GRB10: variants seen among roughly 807,000 people sequenced by gnomAD.
GRB10 encodes the protein growth factor receptor-bound protein 10.
In GRB10, 20 loss-of-function variants were observed where a neutral mutation model predicts 80.9. The observed-to-expected ratio is 0.25, with a 90% CI of 0.17 to 0.36. The LOEUF (loss-of-function observed/expected upper bound fraction) is 0.36. GRB10 is among the 10% of genes least tolerant of loss of function. GRB10 has a pLI of 1.00. For missense variants in GRB10, 548 were observed against 747.7 expected, an observed-to-expected ratio of 0.73 and a Z score of 3.12; for synonymous variants, 291 against 291.5, an observed-to-expected ratio of 1.00 and a Z score of 0.02.
chr7:50,635,808 C>T (rs1727014925), intron 7 of GRB10, among the ~76,000 whole-genome samples: 1 of 151,240 alleles, frequency 6.6e-6, no homozygotes, highest in Non-Finnish European at 1.5e-5. Context: ...CTGGAAACAC[C>T]CAACTTCCTG....
intron 2 of GRB10, among the ~76,000 whole-genome samples, chr7:50,769,802 TAA>T (rs112446356): frequency 6.9e-6 from 1 of 144,416 alleles, no homozygotes; most frequent in Non-Finnish European, 1.5e-5. Context: ...ACATGTCAGG[TAA>T]AAAAAAAAAG....
intron 12 of GRB10, among the ~76,000 whole-genome samples, chr7:50,614,118 G>A (rs1183723579): frequency 6.6e-6 from 1 of 152,182 alleles, no homozygotes; most frequent in East Asian, 1.9e-4. Flanking sequence ...GAAAAGGAGT[G>A]GGCTCTGCCT....
At chr7:50,672,315 G>A (rs1428975593) in intron 6 of GRB10, among the ~76,000 whole-genome samples, 5 of 152,198 alleles carry the variant, frequency 3.3e-5, no homozygotes, top group African/African-American at 1.2e-4. Context: ...CTGTGCCACG[G>A]TTTCCTCAGC....
intron 4 of GRB10, among the ~76,000 whole-genome samples, chr7:50,707,862 T>A (rs1367974693): frequency 6.6e-6 from 1 of 152,224 alleles, no homozygotes. Flanking sequence ...ATGAGGCCCA[T>A]TCCTCTGTCA....
At chr7:50,656,740 T>C (rs2058691462) in intron 7 of GRB10, among the ~76,000 whole-genome samples, 1 of 152,142 alleles carries the variant, frequency 6.6e-6, no homozygotes, top group Non-Finnish European at 1.5e-5. Flanking sequence ...TTAGGGAGAA[T>C]GCAGAGGTGG....
intron 8 of GRB10, among the ~76,000 whole-genome samples, chr7:50,620,947 T>G (rs1585810892): frequency 6.6e-6 from 1 of 152,152 alleles, no homozygotes; most frequent in East Asian, 1.9e-4. Context: ...TCTAATAACC[T>G]GTTGATGGTT....
chr7:50,749,122 G>GTTTTTTTT (rs1236140828), intron 3 of GRB10, among the ~76,000 whole-genome samples: 21 of 73,562 alleles, frequency 2.9e-4, no homozygotes, highest in East Asian at 1.8e-3. Flanking sequence ...GTTTTGTTTT[G>GTTTTTTTT]TTTTTTTGTT....
intron 5 of GRB10, among the ~76,000 whole-genome samples, chr7:50,692,425 T>C (rs969665144): frequency 2.0e-5 from 3 of 152,170 alleles, no homozygotes; most frequent in Non-Finnish European, 4.4e-5. Context: ...GTCTTCCTGC[T>C]TGAGTTCCTG....
chr7:50,616,985 C>T (rs2050767748), intron 10 of GRB10, among the ~76,000 whole-genome samples: 1 of 152,222 alleles, frequency 6.6e-6, no homozygotes, highest in East Asian at 1.9e-4. Flanking sequence ...GGACAAAGCT[C>T]TTTTCCCCCA....
At chr7:50,643,450 T>C (rs542966050) in intron 7 of GRB10, among the ~76,000 whole-genome samples, 2 of 152,066 alleles carry the variant, frequency 1.3e-5, no homozygotes, top group South Asian at 2.1e-4. Context: ...TCACGACAGG[T>C]GTGAAAAGGC....
intron 7 of GRB10, chr7:50,645,723 A>G (rs906175144): frequency 2.4e-5 from 14 of 592,408 alleles, no homozygotes; most frequent in Admixed American, 1.9e-4. Flanking sequence ...CTCAGTAAAC[A>G]TCGTCTAGAG....
chr7:50,726,327 G>A (rs905130611), intron 4 of GRB10, among the ~76,000 whole-genome samples: 12 of 152,200 alleles, frequency 7.9e-5, no homozygotes, highest in African/African-American at 2.9e-4. Flanking sequence ...GAACCCGGGA[G>A]GTGGGGGTTG....
At chr7:50,599,820 C>T (rs2047299205) in intron 17 of GRB10, among the ~76,000 whole-genome samples, 3 of 152,170 alleles carry the variant, frequency 2.0e-5, no homozygotes, top group Non-Finnish European at 4.4e-5. Flanking sequence ...TTCAGGTGGC[C>T]CAGCAGTGCT....
rs2045862896 is a variant in GRB10, at chr7:50,591,673, T to C, written c.*1279A>G. On this transcript the variant is annotated 3_prime_UTR_variant, in exon 19 of 19. Coordinates refer to ENST00000401949, the MANE Select transcript of GRB10 (RefSeq NM_001350814.2). ...ATCTCCCGGAGCGGGGACAAAGTGT[T>C]GTGTTGACAAAACTCTTCCATGTCC... 1 of 152,212 alleles carries C rather than the reference T, an allele frequency of 6.6e-6. No homozygotes were observed. Among genetic ancestry groups the C allele is most frequent in the Non-Finnish European group, 1.5e-5 (1 of 68,042 alleles). The allele number at this position is 152,212 out of a possible 1,614,324, so 9.4% of individuals were successfully genotyped here.
chr7:50,672,166 C>T (rs1295490143), intron 6 of GRB10, among the ~76,000 whole-genome samples: 2 of 152,202 alleles, frequency 1.3e-5, no homozygotes, highest in African/African-American at 4.8e-5. Flanking sequence ...CCCTGCCTGC[C>T]CCCCAGCTCC....
rs2077426525 is a variant in GRB10, at chr7:50,774,990, CAAAACAAAACAAAAAAA to C, written c.-217+5620_-217+5636del. 2.2e-5 allele frequency among the ~76,000 whole-genome samples: 3 copies of C among 135,518 alleles called. No individual in the cohort carries two copies. In the South Asian group the frequency reaches 7.1e-4, roughly 32 times the overall value. 88.9% of individuals were successfully genotyped at this position (135,518 alleles called of 152,430 possible). ...AAAACCCCATCTCTAATACCAAAAA[CAAAACAAAACAAAAAAA>C]AAAACTAGCTGGGCGTGATGGCACA... is the stretch of plus-strand genomic sequence containing the variant. On this transcript the variant is annotated intron_variant, in intron 2 of 18. Transcript: ENST00000401949.
At chr7:50,705,454 G>A (rs1258654395) in intron 4 of GRB10, 1 of 236,264 alleles carries the variant, frequency 4.2e-6, no homozygotes, top group Non-Finnish European at 6.9e-6. Flanking sequence ...AACTTGCTAA[G>A]TATAAAAATT....
rs550468732 is a variant in GRB10 at position 50,791,777 on chromosome 7, T to C, written c.-294+1447A>G. On this transcript the variant is annotated intron_variant, in intron 1 of 16. Transcript: ENST00000335866. ...AGTGCTCCCAGTAAAACTCAAATAT[T>C]ACATGCAGTGATCCTAGAGTTTTGA... Among the ~76,000 whole-genome samples, 4 of 152,308 alleles carry C rather than the reference T, an allele frequency of 2.6e-5. No individual in the cohort carries two copies. The East Asian group carries it at 7.7e-4, about 29-fold the overall frequency.
intron 5 of GRB10, among the ~76,000 whole-genome samples, chr7:50,693,202 A>C (rs1473825279): frequency 6.6e-6 from 1 of 152,230 alleles, no homozygotes; most frequent in South Asian, 2.1e-4. Flanking sequence ...AATGTTGCTA[A>C]GAATGGCTTC....
Sources: gnomAD v4.1 joint callset for allele counts (sites outside exome capture counted in the v4.1 genomes callset) on GRCh38, gnomAD v4.1.1 for gene constraint, MANE v1.5 for transcripts, NCBI Gene and HGNC (gene_info 2026-07-23, HGNC 2026-07-21) for gene names.